Variants in TCF7L1 observed in about 807,000 individuals in gnomAD.
TCF7L1 encodes transcription factor 7-like 1.
A neutral mutation model predicts 63.7 loss-of-function variants in TCF7L1; 18 were observed. The observed-to-expected ratio is 0.28, with a 90% CI of 0.20 to 0.42. The LOEUF (loss-of-function observed/expected upper bound fraction) is 0.42. Ranked by LOEUF, TCF7L1 falls within the 10% of genes least tolerant of loss-of-function variation. The pLI, the probability that TCF7L1 is intolerant of heterozygous loss-of-function variation, is 1.00. For synonymous variants in TCF7L1, 355 were observed against 340.9 expected, an observed-to-expected ratio of 1.04 and a Z score of -0.46; for missense variants, 654 against 779.3, an observed-to-expected ratio of 0.84 and a Z score of 1.91.
At chr2:85,165,027 A>G (rs977556037) in intron 3 of TCF7L1, among the ~76,000 whole-genome samples, 4 of 152,194 alleles carry the variant, frequency 2.6e-5, no homozygotes, top group African/African-American at 9.6e-5. Flanking sequence ...AATGCTGTGT[A>G]TTTAATTTGT....
At position 85,134,936 on chromosome 2, in the gene TCF7L1, C is replaced by T. The variant is rs776017342; in HGVS notation, c.441+486C>T. Among the ~76,000 whole-genome samples, 153 of 152,290 alleles carry T rather than the reference C, an allele frequency of 1.0e-3. No homozygotes were observed. The highest frequency in any genetic ancestry group is 1.6e-3 in the Non-Finnish European group (109 of 68,030). On this transcript the variant is annotated intron_variant, in intron 3 of 11. Coordinates refer to ENST00000282111, the MANE Select transcript of TCF7L1 (RefSeq NM_031283.3). The surrounding 1 kb of genome is among the most constrained non-coding windows in gnomAD (Gnocchi z 5.0). Reference sequence around the variant, plus strand: ...TTATTCACAGCCCCCGTTCCCACCCCCAGCCCTCGCACCGGGGCCTCAGCT... The same window carrying T: ...TTATTCACAGCCCCCGTTCCCACCCTCAGCCCTCGCACCGGGGCCTCAGCT...
rs530377211 is a variant in TCF7L1 at position 85,205,500 on chromosome 2, C to T, written c.441+71050C>T. 5.3e-5 allele frequency among the ~76,000 whole-genome samples: 8 copies of T among 151,378 alleles called. No individual in the cohort carries two copies. In the South Asian group the frequency reaches 1.0e-3, roughly 20 times the overall value. The stretch of plus-strand genomic sequence containing the variant: ...CTCCCGGCCTGTTCATAGAAGACTT[C>T]CGGGGCAGCAAGCAGAAATGCTTGT... On this transcript the variant is annotated intron_variant, in intron 3 of 11. Coordinates refer to ENST00000282111, the MANE Select transcript of TCF7L1 (RefSeq NM_031283.3).
chr2:85,265,019 G>A (rs1252636468), intron 3 of TCF7L1, among the ~76,000 whole-genome samples: 5 of 152,066 alleles, frequency 3.3e-5, no homozygotes, highest in South Asian at 4.2e-4. Flanking sequence ...TGGATCCACC[G>A]GAATGAAGAT....
At chr2:85,297,552 G>A (rs1403319167) in intron 4 of TCF7L1, among the ~76,000 whole-genome samples, 1 of 152,194 alleles carries the variant, frequency 6.6e-6, no homozygotes, top group African/African-American at 2.4e-5. Flanking sequence ...CAGGCCAGGC[G>A]CAGTGCCTCA....
chr2:85,161,967 A>G (rs987737784), intron 3 of TCF7L1, among the ~76,000 whole-genome samples: 1 of 152,194 alleles, frequency 6.6e-6, no homozygotes, highest in African/African-American at 2.4e-5. Flanking sequence ...CAGCAAGGCA[A>G]GCCAGGTGTT....
intron 3 of TCF7L1, among the ~76,000 whole-genome samples, chr2:85,217,932 C>T (rs967806912): frequency 6.6e-6 from 1 of 152,124 alleles, no homozygotes; most frequent in African/African-American, 2.4e-5. Context: ...TCAACTTGTA[C>T]TAGCATTAAA....
intron 7 of TCF7L1, 26 bp from the exon 8 acceptor site, chr2:85,305,234 G>A (rs2104389740): frequency 6.2e-7 from 1 of 1,614,022 alleles, no homozygotes; most frequent in Non-Finnish European, 8.5e-7. Context: ...CCCCTCTGTT[G>A]CCATTTGTTT....
At chr2:85,277,125 G>C (rs1453913753) in intron 3 of TCF7L1, among the ~76,000 whole-genome samples, 1 of 151,990 alleles carries the variant, frequency 6.6e-6, no homozygotes, top group East Asian at 1.9e-4. Context: ...TGGTGAGTTT[G>C]GGGGCTTTAT....
At chr2:85,257,157 T>A (rs992863299) in intron 3 of TCF7L1, among the ~76,000 whole-genome samples, 4 of 152,024 alleles carry the variant, frequency 2.6e-5, no homozygotes, top group African/African-American at 7.2e-5. Context: ...GAGGCTACAG[T>A]GAGCTCTGAT....
At chr2:85,206,236 C>G (rs938524099) in intron 3 of TCF7L1, among the ~76,000 whole-genome samples, 3 of 152,210 alleles carry the variant, frequency 2.0e-5, no homozygotes, top group African/African-American at 7.2e-5. Flanking sequence ...GCAATTCTTC[C>G]ACCCACACAC....
intron 3 of TCF7L1, among the ~76,000 whole-genome samples, chr2:85,267,774 G>T (rs1681013729): frequency 6.6e-6 from 1 of 152,070 alleles, no homozygotes; most frequent in Admixed American, 6.5e-5. Flanking sequence ...AACTTATAAG[G>T]CTGTGGGGGT....
At chr2:85,307,738 C>G (rs1228655611) in intron 11 of TCF7L1, 21 bp downstream of exon 11, 1 of 1,609,156 alleles carries the variant, frequency 6.2e-7, no homozygotes, top group Admixed American at 1.7e-5. Flanking sequence ...GGGCACTGGC[C>G]TCTTCTCCTG....
intron 3 of TCF7L1, among the ~76,000 whole-genome samples, chr2:85,205,240 G>A (rs1679374744): frequency 6.6e-6 from 1 of 152,108 alleles, no homozygotes; most frequent in African/African-American, 2.4e-5. Context: ...ACTTGAAAAA[G>A]AATAAAGATA....
At chr2:85,141,811 T>C (rs1677746542) in intron 3 of TCF7L1, among the ~76,000 whole-genome samples, 1 of 152,088 alleles carries the variant, frequency 6.6e-6, no homozygotes, top group Non-Finnish European at 1.5e-5. Context: ...GACTTGAAGA[T>C]GAGGTTGTAG....
chr2:85,180,756 G>A (rs1013392055), intron 3 of TCF7L1, among the ~76,000 whole-genome samples: 7 of 152,282 alleles, frequency 4.6e-5, no homozygotes, highest in Middle Eastern at 3.4e-3. Flanking sequence ...TTATTCACTC[G>A]TGTCATCTGT....
intron 3 of TCF7L1, among the ~76,000 whole-genome samples, chr2:85,242,023 C>CA (rs1553402554): frequency 7.2e-6 from 1 of 139,534 alleles, no homozygotes; most frequent in Non-Finnish European, 1.5e-5. Context: ...GGCGGTGGTG[C>CA]GGGGGGGCAA....
intron 3 of TCF7L1, among the ~76,000 whole-genome samples, chr2:85,155,439 G>A (rs1018332419): frequency 2.0e-5 from 3 of 152,102 alleles, no homozygotes; most frequent in Non-Finnish European, 4.4e-5. Context: ...GAGCTGTAAC[G>A]CTCACTGTGA....
chr2:85,179,834 TGAAA>T (rs1010072570), intron 3 of TCF7L1, among the ~76,000 whole-genome samples: 2 of 152,274 alleles, frequency 1.3e-5, no homozygotes, highest in African/African-American at 4.8e-5. Context: ...TACCATTTTT[TGAAA>T]GAAAGAAATA....
chr2:85,308,472 TCTCC>T (rs1558663578), intron 11 of TCF7L1, among the ~76,000 whole-genome samples: 11 of 36,118 alleles, frequency 3.0e-4, no homozygotes, highest in Admixed American at 1.8e-3. Context: ...TTTCCCTCCC[TCTCC>T]CCCTCCTTCC....
Sources: allele counts gnomAD v4.1 joint callset (sites outside exome capture counted in the v4.1 genomes callset), GRCh38; gene constraint gnomAD v4.1.1; non-coding constraint Gnocchi (gnomAD v3.1); transcripts MANE v1.5; gene names NCBI Gene and HGNC (gene_info 2026-07-23, HGNC 2026-07-21).